The following CA5A variants were observed in gnomAD, a reference collection of about 807,000 sequenced individuals.
The protein encoded by CA5A is carbonic anhydrase 5A.
A neutral mutation model predicts 37.1 loss-of-function variants in CA5A; 28 were observed. The observed-to-expected ratio is 0.75, with a 90% confidence interval of 0.56 to 1.03. The LOEUF is 1.03. Ranked by LOEUF, CA5A falls within the 50% of genes least tolerant of loss-of-function variation. CA5A has a pLI of 0.00. For synonymous variants in CA5A, 171 were observed against 158.4 expected, an observed-to-expected ratio of 1.08 and a Z score of -0.60; for missense variants, 444 against 399.9, an observed-to-expected ratio of 1.11 and a Z score of -0.94.
At chr16:87,924,510 C>A (rs1567534524) in intron 2 of CA5A, among the ~76,000 whole-genome samples, 1 of 152,248 alleles carries the variant, frequency 6.6e-6, no homozygotes. Flanking sequence ...TCTCCCCGGG[C>A]TCCAGGAAGG....
At chr16:87,919,377 G>C (rs1401526895) in intron 2 of CA5A, among the ~76,000 whole-genome samples, 2 of 152,234 alleles carry the variant, frequency 1.3e-5, no homozygotes, top group Non-Finnish European at 2.9e-5. Flanking sequence ...CCTCGGGCTG[G>C]CCAGACGAGC....
At chr16:87,924,337 C>T (rs913866689) in intron 2 of CA5A, 3 of 983,088 alleles carry the variant, frequency 3.1e-6, no homozygotes, top group Non-Finnish European at 2.4e-6. Context: ...TCCTTCTCAC[C>T]TTCGAAAGGA....
intron 5 of CA5A, among the ~76,000 whole-genome samples, chr16:87,895,958 C>T (rs183194456): frequency 5.6e-4 from 85 of 152,158 alleles, no homozygotes; most frequent in Non-Finnish European, 2.5e-4. Flanking sequence ...GGGTAACAGG[C>T]GGGTGTGCAG....
At chr16:87,898,757 C>T (rs1415963593) in intron 5 of CA5A, among the ~76,000 whole-genome samples, 4 of 128,440 alleles carry the variant, frequency 3.1e-5, no homozygotes, top group East Asian at 2.3e-4. Flanking sequence ...TTTTTGGAGA[C>T]GGATTCTCGA....
rs1187753637 is a variant in CA5A, at chr16:87,911,600, G to C, written c.341-6696C>G. Among the ~76,000 whole-genome samples, 1 of 147,500 alleles carries C rather than the reference G, an allele frequency of 6.8e-6. No individual in the cohort carries two copies. The highest frequency in any genetic ancestry group is 1.5e-5 in the Non-Finnish European group (1 of 65,574). On this transcript the variant is annotated intron_variant, in intron 2 of 6. Coordinates refer to ENST00000649794, the MANE Select transcript of CA5A (RefSeq NM_001739.2). This position sits in a 1 kb window ranked among gnomAD's most constrained non-coding sequence, Gnocchi z 4.6. ...GGGAGGTAGTGCACGTTCCCAAGCT[G>C]TAAAGGGTGACACGGCTGAGGGCTT...
intron 2 of CA5A, among the ~76,000 whole-genome samples, chr16:87,913,661 C>A (rs942082558): frequency 9.6e-5 from 14 of 145,588 alleles, no homozygotes; most frequent in Non-Finnish European, 1.7e-4. Flanking sequence ...TGGCCCCCCC[C>A]TCCTCTCCAA....
exon 5 of CA5A, chr16:87,881,914 A>C (rs996290289): frequency 6.6e-6 from 1 of 152,180 alleles, no homozygotes; most frequent in Non-Finnish European, 1.5e-5. Flanking sequence ...CAGGAGACAA[A>C]GATGTTGGTG....
Position 87,891,806 on chromosome 16 carries a change from G to T in CA5A, c.767C>A (p.Pro256Gln). 6.5e-7 allele frequency: 1 copy of T among 1,527,758 alleles called. No individual in the cohort carries two copies. Among genetic ancestry groups the T allele is most frequent in the East Asian group, 2.6e-5 (1 of 39,116 alleles). 94.6% of individuals were successfully genotyped at this position (1,527,758 alleles called of 1,614,324 possible). The change falls in exon 6 of 7, where the codon CCA becomes CAA. Residue 256 changes from proline to glutamine, a missense_variant. Pro to Gln is a moderately conservative substitution (Grantham distance 76, BLOSUM62 -1). Coordinates refer to ENST00000649794, the MANE Select transcript of CA5A (RefSeq NM_001739.2). ...GTTACGGGCACGGCTCACCTGGCTTGGGGCCACTTCAACGGGCTCCTTCTG... is the reference window on the plus strand; with the variant it reads ...GTTACGGGCACGGCTCACCTGGCTTTGGGCCACTTCAACGGGCTCCTTCTG... ...IIQKEPVEVA[P>Q]SQLSAFRTLL...
At chr16:87,933,716 T>C (rs1399321525) in intron 1 of CA5A, among the ~76,000 whole-genome samples, 7 of 152,198 alleles carry the variant, frequency 4.6e-5, no homozygotes, top group Non-Finnish European at 8.8e-5. Context: ...TTTGTAACTC[T>C]TTGACTTTTC....
At chr16:87,918,520 C>T (rs2056186796) in intron 2 of CA5A, among the ~76,000 whole-genome samples, 1 of 152,218 alleles carries the variant, frequency 6.6e-6, no homozygotes, top group African/African-American at 2.4e-5. Flanking sequence ...CTGGCACCCC[C>T]AGCTCCTAGG....
chr16:87,888,543 G>A (rs896326452), intron 6 of CA5A, among the ~76,000 whole-genome samples: 1 of 152,166 alleles, frequency 6.6e-6, no homozygotes, highest in Non-Finnish European at 1.5e-5. Flanking sequence ...GGCCCATAGG[G>A]AGAGGAACTG....
At chr16:87,929,221 G>A (rs993072929) in intron 1 of CA5A, among the ~76,000 whole-genome samples, 1 of 151,578 alleles carries the variant, frequency 6.6e-6, no homozygotes, top group Non-Finnish European at 1.5e-5. Flanking sequence ...GGAGGCCAAG[G>A]TGGGTGGATC....
chr16:87,930,981 T>G (rs8045622), intron 1 of CA5A, among the ~76,000 whole-genome samples: 1 of 151,778 alleles, frequency 6.6e-6, no homozygotes, highest in Non-Finnish European at 1.5e-5. Context: ...CCTTGTGATC[T>G]GCCTGCCTCG....
At chr16:87,926,611 C>T (rs547417763) in intron 2 of CA5A, 137 bp downstream of exon 2, 7 of 680,874 alleles carry the variant, frequency 1.0e-5, no homozygotes, top group Admixed American at 5.3e-5. Context: ...CTCCCTCAAG[C>T]GAGTCTCTGT....
chr16:87,896,200 C>A (rs2055799742), intron 5 of CA5A, among the ~76,000 whole-genome samples: 1 of 152,228 alleles, frequency 6.6e-6, no homozygotes, highest in Non-Finnish European at 1.5e-5. Flanking sequence ...CCACTGAGGC[C>A]TGGCCCGTTC....
intron 2 of CA5A, among the ~76,000 whole-genome samples, chr16:87,920,708 T>A (rs1300629166): frequency 6.6e-6 from 1 of 151,846 alleles, no homozygotes; most frequent in Non-Finnish European, 1.5e-5. Flanking sequence ...AACTTCCGCC[T>A]CCCAGGTTCA....
chr16:87,923,204 C>T (rs2056254124), intron 2 of CA5A, among the ~76,000 whole-genome samples: 1 of 152,050 alleles, frequency 6.6e-6, no homozygotes, highest in Non-Finnish European at 1.5e-5. Flanking sequence ...CGCTTTTTTT[C>T]CCGCGATGGA....
At chr16:87,924,212 G>A (rs571853619) in intron 2 of CA5A, 3 of 985,476 alleles carry the variant, frequency 3.0e-6, no homozygotes, top group Non-Finnish European at 3.6e-6. Flanking sequence ...GTTGGCTGGA[G>A]TTGGGGTTAC....
At chr16:87,931,296 G>C (rs932224665) in intron 1 of CA5A, among the ~76,000 whole-genome samples, 1 of 151,410 alleles carries the variant, frequency 6.6e-6, no homozygotes, top group South Asian at 2.1e-4. Context: ...ATTTTTAGTA[G>C]AGACGGGGTT....
Sources: allele counts gnomAD v4.1 joint callset (sites outside exome capture counted in the v4.1 genomes callset), GRCh38; gene constraint gnomAD v4.1.1; non-coding constraint Gnocchi (gnomAD v3.1); transcripts MANE v1.5; gene names NCBI Gene and HGNC (gene_info 2026-07-23, HGNC 2026-07-21).